The following NSUN4 variants were observed in gnomAD, a reference collection of about 807,000 sequenced individuals.
NSUN4 encodes the protein NOP2/Sun RNA methyltransferase 4, also known as 5-cytosine rRNA methyltransferase NSUN4.
Under a neutral mutation model 43.8 loss-of-function variants are expected in NSUN4, and 31 were observed. That is an observed-to-expected ratio of 0.71 (90% CI 0.53 to 0.96). The LOEUF is 0.96. Ranked by LOEUF, NSUN4 falls within the 40% of genes least tolerant of loss-of-function variation. The probability of loss-of-function intolerance (pLI) is 0.00; values close to 1 mark genes in which losing one functional copy is unlikely to be tolerated. For synonymous variants in NSUN4, 167 were observed against 184.1 expected (o/e 0.91, Z 0.75); for missense variants, 439 against 475.6 (o/e 0.92, Z 0.72).
intron 1 of NSUN4, chr1:46,343,273 G>A (rs1662250894): frequency 2.5e-6 from 1 of 399,334 alleles, no homozygotes; most frequent in African/African-American, 2.1e-5. Flanking sequence ...ATGCCTCCTT[G>A]TTCTACCCAC....
chr1:46,361,731 T>C lies in NSUN4; in HGVS notation c.1040T>C (p.Val347Ala). The part of the protein sequence containing the change: ...QVEDLTHFRR[V>A]FMDTFCFFSS... ...GAAGATCTGACTCACTTCCGAAGGG[T>C]TTTCATGGACACATTTTGTTTCTTC... Residue 347 changes from valine (V) to alanine (A), a missense_variant, in exon 6 of 6, where the codon GTT (valine) becomes GCT (alanine). Physicochemically the swap from Val to Ala is moderately conservative, Grantham distance 64. Coordinates refer to ENST00000474844, the MANE Select transcript of NSUN4 (RefSeq NM_199044.4). 1 of 1,614,044 alleles carries C rather than the reference T, an allele frequency of 6.2e-7. No homozygotes were observed. Among genetic ancestry groups the C allele is most frequent in the Admixed American group, 1.7e-5 (1 of 60,006 alleles).
chr1:46,358,940 A>G (rs1221024903), intron 4 of NSUN4, among the ~76,000 whole-genome samples: 1 of 152,072 alleles, frequency 6.6e-6, no homozygotes, highest in Non-Finnish European at 1.5e-5. Context: ...TCACTCCAGC[A>G]GTTGACTAGT....
chr1:46,351,659 CTTTTTTTT>C (rs1190689943), intron 3 of NSUN4, among the ~76,000 whole-genome samples: 2 of 88,894 alleles, frequency 2.2e-5, no homozygotes, highest in African/African-American at 9.2e-5. Context: ...GACCCAGTCT[CTTTTTTTT>C]TTTTTTTTTT....
chr1:46,341,478 G>C, intron 1 of NSUN4: 4 of 1,022,802 alleles, frequency 3.9e-6, no homozygotes, highest in Non-Finnish European at 3.5e-6. Flanking sequence ...CCATACTGCC[G>C]GCCCAAACCC....
intron 3 of NSUN4, among the ~76,000 whole-genome samples, chr1:46,348,707 C>A (rs1271091562): frequency 3.3e-5 from 2 of 60,936 alleles, no homozygotes; most frequent in Non-Finnish European, 3.0e-5. Context: ...AAAACTCTGT[C>A]TCAAAAAAAA....
Position 46,361,928 on chromosome 1 carries a change from G to C in NSUN4, c.*82G>C, listed in dbSNP as rs1442406796. The stretch of plus-strand genomic sequence containing the variant: ...AAACTGGAAACTGGGACCAGTGGCA[G>C]AGATGCACTCTCGGTCCTGTCTCCA... On this transcript the variant is annotated 3_prime_UTR_variant, in exon 6 of 6. Transcript: ENST00000474844. 7.9e-7 allele frequency: 1 copy of C among 1,268,880 alleles called. No homozygotes were observed. Among genetic ancestry groups the C allele is most frequent in the Non-Finnish European group, 1.1e-6 (1 of 909,830 alleles). The allele number at this position is 1,268,880 out of a possible 1,614,324, so 78.6% of individuals were successfully genotyped here.
chr1:46,343,129 T>C (rs1040188177), intron 1 of NSUN4: 1 of 399,434 alleles, frequency 2.5e-6, no homozygotes, highest in East Asian at 3.6e-5. Context: ...ATATGCTCTG[T>C]GGTTCCCTCC....
chr1:46,342,676 A>G (rs914872538), intron 1 of NSUN4: 1 of 398,524 alleles, frequency 2.5e-6, no homozygotes, highest in Non-Finnish European at 4.4e-6. Flanking sequence ...CTGGGCAACC[A>G]GTTTATATCT....
chr1:46,384,531 C>CT, the NSUN4 span, among the ~76,000 whole-genome samples: 1 of 152,160 alleles, frequency 6.6e-6, no homozygotes, highest in Non-Finnish European at 1.5e-5. Context: ...TACCAAACCA[C>CT]TTTTTAGCCA....
the NSUN4 span, among the ~76,000 whole-genome samples, chr1:46,380,939 A>G: frequency 2.6e-5 from 4 of 152,190 alleles, no homozygotes; most frequent in African/African-American, 9.7e-5. Flanking sequence ...GCATTAACTC[A>G]TTTGATTCAT....
intron 3 of NSUN4, among the ~76,000 whole-genome samples, chr1:46,348,388 T>C (rs1312695973): frequency 6.6e-6 from 1 of 152,120 alleles, no homozygotes; most frequent in East Asian, 1.9e-4. Flanking sequence ...CCTTAGGGCT[T>C]TACTAGTTAT....
chr1:46,374,600 C>T, the NSUN4 span, among the ~76,000 whole-genome samples: 40 of 151,576 alleles, frequency 2.6e-4, 1 homozygote, highest in Middle Eastern at 0.034. Context: ...CAGAGGGAGA[C>T]TCTGTCTCAA....
chr1:46,341,088 A>G (rs958173190), intron 1 of NSUN4, 169 bp downstream of exon 1: 36 of 1,183,068 alleles, frequency 3.0e-5, no homozygotes, highest in East Asian at 5.5e-5. Context: ...TCCGCACTCT[A>G]TGTCCCGAGC....
Position 46,340,935 on chromosome 1 carries a change from G to T in NSUN4, c.93+16G>T. The T allele has an allele frequency of 6.2e-7, 1 of 1,600,012 alleles. No individual in the cohort carries two copies. The highest frequency in any genetic ancestry group is 2.2e-5 in the East Asian group (1 of 44,450). On this transcript the variant is annotated intron_variant, in intron 1 of 5. Coordinates refer to ENST00000474844, the MANE Select transcript of NSUN4 (RefSeq NM_199044.4). ...GAAGAAATGGGTAAGGTCCGGCTGG[G>T]GGCGCAGGAGGGAAAAGTGAGGGTG...
At chr1:46,354,661 CT>C (rs11349261) in intron 4 of NSUN4, among the ~76,000 whole-genome samples, 33,001 of 142,506 alleles carry the variant, frequency 0.23, 4,013 homozygotes, top group Non-Finnish European at 0.3. Flanking sequence ...TCATTTTTTT[CT>C]TTTTTTTTTT....
chr1:46,378,474 G>C, the NSUN4 span, among the ~76,000 whole-genome samples: 221 of 152,350 alleles, frequency 1.5e-3, 1 homozygote, highest in Middle Eastern at 6.8e-3. Context: ...TGGGATTACA[G>C]GCATGAGCCA....
At chr1:46,355,235 A>G (rs1449412943) in intron 4 of NSUN4, among the ~76,000 whole-genome samples, 3 of 152,198 alleles carry the variant, frequency 2.0e-5, no homozygotes, top group Admixed American at 1.3e-4. Context: ...ACCCATTATC[A>G]TTATTCAGCC....
intron 1 of NSUN4, 171 bp downstream of exon 1, chr1:46,341,090 G>A (rs938695738): frequency 3.4e-6 from 4 of 1,191,286 alleles, no homozygotes; most frequent in African/African-American, 1.6e-5. Context: ...CGCACTCTAT[G>A]TCCCGAGCGT....
chr1:46,348,878 G>A (rs549785795), intron 3 of NSUN4, among the ~76,000 whole-genome samples: 2 of 134,756 alleles, frequency 1.5e-5, no homozygotes, highest in Non-Finnish European at 3.1e-5. Flanking sequence ...GCAGTGGCAC[G>A]ATCTTAGCTC....
Sources: allele counts gnomAD v4.1 joint callset (sites outside exome capture counted in the v4.1 genomes callset), GRCh38; gene constraint gnomAD v4.1.1; transcripts MANE v1.5; gene names NCBI Gene and HGNC (gene_info 2026-07-23, HGNC 2026-07-21).